Variants in LAIR1 observed in about 807,000 individuals in gnomAD.
LAIR1 encodes the protein leukocyte associated immunoglobulin like receptor 1, also known as leukocyte-associated immunoglobulin-like receptor 1.
In LAIR1, 24 loss-of-function variants were observed where a neutral mutation model predicts 32.8. That is an observed-to-expected ratio of 0.73 (90% CI 0.53 to 1.03). The LOEUF is 1.03. Ranked by LOEUF, LAIR1 falls within the 50% of genes least tolerant of loss-of-function variation. The pLI, the probability that LAIR1 is intolerant of heterozygous loss-of-function variation, is 0.00. For synonymous variants in LAIR1, 150 were observed against 140.5 expected, an observed-to-expected ratio of 1.07 and a Z score of -0.48; for missense variants, 355 against 347.5, an observed-to-expected ratio of 1.02 and a Z score of -0.17.
rs1241266070 is a variant in LAIR1, at chr19:54,361,188, A to G, written c.92T>C (p.Ile31Thr). 1.9e-6 allele frequency: 3 copies of G among 1,614,076 alleles called. No individual in the cohort carries two copies. Among genetic ancestry groups the G allele is most frequent in the Non-Finnish European group, 2.5e-6 (3 of 1,180,046 alleles). ...GATCACGGTGCCTGGCTCAGCCGAG[A>G]TGGAGGGTCTGGGCAGATCTTCTAG... ...TQEEDLPRPSISAEPGTVIPL... is the reference protein window; with the variant it reads ...TQEEDLPRPSTSAEPGTVIPL... Residue 31 changes from isoleucine (I) to threonine (T), a missense_variant, in exon 3 of 10, where the codon ATC (isoleucine) becomes ACC (threonine). Transcript: ENST00000391742.
rs541923186 is a variant in LAIR1 at position 54,362,016 on chromosome 19, G to A, written c.71-807C>T. 4.8e-4 allele frequency among the ~76,000 whole-genome samples: 72 copies of A among 151,184 alleles called. 2 individuals are homozygous for A. In the South Asian group the frequency reaches 0.014, roughly 29 times the overall value. ...GAGCTGGCAGGGCTTCAATTCACTC[G>A]TCCCGTCTTCATTCATTCCTTATTA... On this transcript the variant is annotated intron_variant, in intron 2 of 9. Transcript: ENST00000391742.
Position 54,357,973 on chromosome 19 carries a change from A to G in LAIR1, c.416-1007T>C, listed in dbSNP as rs557273621. ...CAATATTACAGTTTTTATATTATTT[A>G]TAGTTATATGTATCATGTATTATGC... On this transcript the variant is annotated intron_variant, in intron 4 of 9. Transcript: ENST00000391742. 8.1e-4 allele frequency: 121 copies of G among 149,772 alleles called. 4 individuals are homozygous for G. The highest frequency in any genetic ancestry group is 3.0e-3 in the African/African-American group (120 of 40,624). The allele number at this position is 149,772 out of a possible 1,614,324, so 9.3% of individuals were successfully genotyped here.
At chr19:54,375,823 T>C in the LAIR1 span, among the ~76,000 whole-genome samples, 1 of 151,876 alleles carries the variant, frequency 6.6e-6, no homozygotes, top group East Asian at 1.9e-4. Flanking sequence ...CACAGTCTAA[T>C]GTGGAGGGCA....
Position 54,361,013 on chromosome 19 carries a change from G to A in LAIR1, c.267C>T (p.Asp89=). The A allele has an allele frequency of 1.9e-6, 3 of 1,614,216 alleles. No individual in the cohort carries two copies. Among genetic ancestry groups the A allele is most frequent in the Non-Finnish European group, 2.5e-6 (3 of 1,180,018 alleles). ...PSESEARFRI[D]SVREGNAGLY... ...GCCCGGCATTTCCTTCTCTTACTGA[G>A]TCAATGCGGAATCTGGCCTCTGACT... The change falls in exon 3 of 10, where the codon GAC becomes GAT. Residue 89 remains aspartate, a synonymous_variant. Transcript: ENST00000391742.
upstream of LAIR1, chr19:54,364,952 C>T: frequency 1.3e-6 from 2 of 1,543,536 alleles, no homozygotes; most frequent in East Asian, 2.4e-5. The surrounding 1 kb of genome is among the most constrained non-coding windows in gnomAD (Gnocchi z 4.8). Flanking sequence ...AGAGGAAGAG[C>T]TTTCTGTCCT....
chr19:54,361,184 C>T lies in LAIR1; in HGVS notation c.96G>A (p.Ser32=), dbSNP rs375124925. ...QEEDLPRPSI[S]AEPGTVIPLG... ...GGGGGATCACGGTGCCTGGCTCAGC[C>T]GAGATGGAGGGTCTGGGCAGATCTT... Residue 32 remains serine, a synonymous_variant, in exon 3 of 10, where the codon TCG becomes TCA. Transcript: ENST00000391742. 181 of 1,614,054 alleles carry T rather than the reference C, an allele frequency of 1.1e-4. No homozygotes were observed. Among genetic ancestry groups the T allele is most frequent in the Non-Finnish European group, 1.4e-4 (162 of 1,180,044 alleles).
upstream of LAIR1, among the ~76,000 whole-genome samples, chr19:54,374,928 G>A (rs1161631987): frequency 1.3e-5 from 2 of 152,106 alleles, no homozygotes; most frequent in African/African-American, 2.4e-5. Context: ...AGCATCCACT[G>A]TCCTGGTGGG....
In LAIR1 at chr19:54,355,548, C is replaced by G; in HGVS notation, c.718-134G>C. On this transcript the variant is annotated intron_variant, in intron 9 of 9. Transcript: ENST00000391742. The surrounding 1 kb of genome is among the most constrained non-coding windows in gnomAD (Gnocchi z 4.7). ...CCTAAATTGCATCCGTGTGAAGAGC[C>G]CTCCCACAGGGTATTGGGGTTGGTT... 1.4e-6 allele frequency: 1 copy of G among 734,480 alleles called. No homozygotes were observed. Among genetic ancestry groups the G allele is most frequent in the South Asian group, 1.9e-5 (1 of 53,906 alleles). 45.5% of individuals were successfully genotyped at this position (734,480 alleles called of 1,614,324 possible).
At chr19:54,361,250 G>A (rs765371660) in intron 2 of LAIR1, 41 bp from the exon 3 acceptor site, 6 of 1,599,026 alleles carry the variant, frequency 3.8e-6, no homozygotes, top group Non-Finnish European at 5.1e-6. Flanking sequence ...TCCACTGTAG[G>A]AAGTCACCAT....
At chr19:54,371,060 G>A (rs1330601903), upstream of LAIR1, among the ~76,000 whole-genome samples, 1 of 150,284 alleles carries the variant, frequency 6.7e-6, no homozygotes, top group African/African-American at 2.5e-5. Context: ...TTTTTTAACA[G>A]AACATGTAAA....
intron 2 of LAIR1, among the ~76,000 whole-genome samples, chr19:54,363,192 G>A (rs1464129711): frequency 6.6e-6 from 1 of 151,966 alleles, no homozygotes; most frequent in Admixed American, 6.6e-5. Flanking sequence ...GGCCGGCCTC[G>A]GGGAGCCACG....
upstream of LAIR1, among the ~76,000 whole-genome samples, chr19:54,369,849 C>T (rs2082362062): frequency 6.6e-6 from 1 of 151,014 alleles, no homozygotes; most frequent in Non-Finnish European, 1.5e-5. Flanking sequence ...TATTTCAAAA[C>T]TATTCCAGCA....
chr19:54,356,059 T>G lies in LAIR1; in HGVS notation c.665-53A>C. 3 of 1,445,984 alleles carry G rather than the reference T, an allele frequency of 2.1e-6. No homozygotes were observed. In the South Asian group the frequency reaches 3.4e-5, roughly 16 times the overall value. 89.6% of individuals were successfully genotyped at this position (1,445,984 alleles called of 1,614,324 possible). On this transcript the variant is annotated intron_variant, in intron 8 of 9. Coordinates refer to ENST00000391742, the MANE Select transcript of LAIR1 (RefSeq NM_002287.6). ...TCTGGGGAGGATGTCGCAAGGCAAA[T>G]CTGCCTGAGACCCCCACCCCCAGCT...
chr19:54,361,128 C>A lies in LAIR1; in HGVS notation c.152G>T (p.Gly51Val). 2 of 1,613,954 alleles carry A rather than the reference C, an allele frequency of 1.2e-6. No individual in the cohort carries two copies. The highest frequency in any genetic ancestry group is 8.5e-7 in the Non-Finnish European group (1 of 1,179,838). The change falls in exon 3 of 10, where the codon GGC (glycine) becomes GTC (valine). Residue 51 changes from glycine to valine, a missense_variant. Physicochemically the swap from Gly to Val is moderately radical, Grantham distance 109. Coordinates refer to ENST00000391742, the MANE Select transcript of LAIR1 (RefSeq NM_002287.6). Reference protein sequence around the residue: ...LGSHVTFVCRGPVGVQTFRLE... With the variant: ...LGSHVTFVCRVPVGVQTFRLE... ...GCGGAATGTTTGAACCCCAACCGGG[C>A]CCCGGCACACGAAAGTCACATGGCT...
Position 54,355,426 on chromosome 19 carries a change from A to G in LAIR1, c.718-12T>C. 1.9e-6 allele frequency: 3 copies of G among 1,587,658 alleles called. No individual in the cohort carries two copies. Among genetic ancestry groups the G allele is most frequent in the Non-Finnish European group, 2.6e-6 (3 of 1,167,100 alleles). ...CCTGCAGCCAGGGCCTAAGAGGGAGAGACCCAGGGTGAGGGAGTGCCTGGT... is the reference window on the plus strand; with the variant it reads ...CCTGCAGCCAGGGCCTAAGAGGGAGGGACCCAGGGTGAGGGAGTGCCTGGT... On this transcript the variant is annotated splice_polypyrimidine_tract_variant and intron_variant, in intron 9 of 9. Transcript: ENST00000391742. This position sits in a 1 kb window ranked among gnomAD's most constrained non-coding sequence, Gnocchi z 4.7.
chr19:54,372,209 C>A (rs2082421853), upstream of LAIR1, among the ~76,000 whole-genome samples: 1 of 151,630 alleles, frequency 6.6e-6, no homozygotes, highest in African/African-American at 2.4e-5. Context: ...GCCGCACTGT[C>A]TCCCAAAGTG....
chr19:54,366,955 A>G (rs1601336766), upstream of LAIR1, among the ~76,000 whole-genome samples: 6 of 152,298 alleles, frequency 3.9e-5, no homozygotes, highest in African/African-American at 1.4e-4. Flanking sequence ...ACATGGTAGA[A>G]AAGAAAAGTC....
At chr19:54,365,666 C>G (rs1440458306), upstream of LAIR1, among the ~76,000 whole-genome samples, 2 of 151,912 alleles carry the variant, frequency 1.3e-5, 1 homozygote, top group Non-Finnish European at 2.9e-5. Context: ...GTGGTGGGCA[C>G]AGCTACTTGG....
At chr19:54,361,288 T>C (rs747598570) in intron 2 of LAIR1, 79 bp from the exon 3 acceptor site, 3 of 1,492,312 alleles carry the variant, frequency 2.0e-6, no homozygotes, top group East Asian at 4.5e-5. Context: ...AGCATCACAA[T>C]TCAGGGATTT....
Sources: gnomAD v4.1 joint callset for allele counts (sites outside exome capture counted in the v4.1 genomes callset) on GRCh38, gnomAD v4.1.1 for gene constraint, Gnocchi (gnomAD v3.1) non-coding constraint, MANE v1.5 for transcripts, NCBI Gene and HGNC (gene_info 2026-07-23, HGNC 2026-07-21) for gene names.